GATD1: variants seen among roughly 807,000 people sequenced by gnomAD.
GATD1 encodes glutamine amidotransferase class 1 domain containing 1.
GATD1 carries 23 observed loss-of-function variants against 25.9 expected under a neutral mutation model. That is an observed-to-expected ratio of 0.89 (90% CI 0.64 to 1.26). GATD1 has a LOEUF of 1.26. Among genes scored for constraint, GATD1 ranks in the 50% most tolerant of loss-of-function variants. GATD1 has a pLI of 0.00. For synonymous variants in GATD1, 177 were observed against 134.6 expected, an observed-to-expected ratio of 1.31 and a Z score of -2.18; for missense variants, 347 against 312.5, an observed-to-expected ratio of 1.11 and a Z score of -0.83.
intron 4 of GATD1, 163 bp from the exon 5 acceptor site, chr11:772,684 C>G (rs1485078882): frequency 1.6e-6 from 1 of 637,964 alleles, no homozygotes; most frequent in Non-Finnish European, 2.8e-6. Context: ...TGTCCTGGCT[C>G]AGCCCGCACA....
At chr11:773,002 C>A (rs1181362337) in intron 4 of GATD1, among the ~76,000 whole-genome samples, 1 of 152,224 alleles carries the variant, frequency 6.6e-6, no homozygotes, top group Non-Finnish European at 1.5e-5. Flanking sequence ...GTTCCCACGG[C>A]TGAGGTGGCC....
Position 767,475 on chromosome 11 carries a change from G to C in GATD1, c.*3422C>G. 2 of 1,446,672 alleles carry C rather than the reference G, an allele frequency of 1.4e-6. No individual in the cohort carries two copies. The highest frequency in any genetic ancestry group is 1.8e-6 in the Non-Finnish European group (2 of 1,105,736). 89.6% of individuals were successfully genotyped at this position (1,446,672 alleles called of 1,614,324 possible). Reference sequence around the variant, plus strand: ...GGGGCCTGCAGGCAGCTCACGCGGAGACAGGTCTGTGGGGCCCCGCGTCAG... The same window carrying C: ...GGGGCCTGCAGGCAGCTCACGCGGACACAGGTCTGTGGGGCCCCGCGTCAG... On this transcript the variant is annotated 3_prime_UTR_variant, in exon 8 of 8. Transcript: ENST00000319863.
Position 773,604 on chromosome 11 carries a change from G to A in GATD1, c.273C>T (p.Ile91=). 6.2e-7 allele frequency: 1 copy of A among 1,609,022 alleles called. No individual in the cohort carries two copies. The highest frequency in any genetic ancestry group is 8.5e-7 in the Non-Finnish European group (1 of 1,178,682). Reference sequence around the variant, plus strand: ...CGGTCAGGGCCCCAGGACAGCTGGGGATCAGGAGGGCATGGTACCGGGCAC... The same window carrying A: ...CGGTCAGGGCCCCAGGACAGCTGGGAATCAGGAGGGCATGGTACCGGGCAC... The part of the protein sequence containing the change: ...IDGARYHALL[I]PSCPGALTDL... Residue 91 remains isoleucine (I), a synonymous_variant, in exon 4 of 8, where the codon ATC becomes ATT. Coordinates refer to ENST00000319863, the MANE Select transcript of GATD1 (RefSeq NM_182612.4).
Position 767,253 on chromosome 11 carries a change from TGGGTAGATGAACACACACTGGTATATG to T in GATD1, c.*3617_*3643del, listed in dbSNP as rs1284570702. On this transcript the variant is annotated 3_prime_UTR_variant, in exon 8 of 8. Transcript: ENST00000319863. ...TGCTGCTGCATGGTTTTATTCCTCA[TGGGTAGATGAACACACACTGGTATATG>T]GGGAAATCCTCACCCGCCCTCCGCT... 6.5e-7 allele frequency: 1 copy of T among 1,535,956 alleles called. No homozygotes were observed. Among genetic ancestry groups the T allele is most frequent in the Non-Finnish European group, 8.7e-7 (1 of 1,146,852 alleles).
In GATD1 at chr11:767,944, G is replaced by C. The variant is rs969655131; in HGVS notation, c.*2953C>G. ...CAGCTCACTGCAACCTCCGCCTCCT[G>C]GGTTCAAGCGATTCTCCTGCCTCAG... On this transcript the variant is annotated 3_prime_UTR_variant, in exon 8 of 8. Transcript: ENST00000319863. The C allele has an allele frequency of 1.3e-5, 2 of 151,686 alleles. No homozygotes were observed. Among genetic ancestry groups the C allele is most frequent in the African/African-American group, 2.4e-5 (1 of 41,168 alleles). 9.4% of individuals were successfully genotyped at this position (151,686 alleles called of 1,614,324 possible). A position where few individuals can be genotyped will look rare whatever the true frequency, so the allele number is the denominator to read the frequency against.
chr11:770,452 G>A lies in GATD1; in HGVS notation c.*445C>T. The A allele has an allele frequency of 6.8e-7, 1 of 1,477,234 alleles. No individual in the cohort carries two copies. The allele number at this position is 1,477,234 out of a possible 1,614,324, so 91.5% of individuals were successfully genotyped here. On this transcript the variant is annotated 3_prime_UTR_variant, in exon 8 of 8. Transcript: ENST00000319863. ...AGTTCTGAGCCAGCTCCCGCCGGCT[G>A]GGCCCTCCCCTCAAGGCCCCCACCA... is the stretch of plus-strand genomic sequence containing the variant.
intron 4 of GATD1, 42 bp downstream of exon 4, chr11:773,480 C>G (rs1863649517): frequency 6.6e-7 from 1 of 1,509,908 alleles, no homozygotes; most frequent in Non-Finnish European, 9.1e-7. Flanking sequence ...TCTTGTGACA[C>G]TGCACATCCA....
Position 773,702 on chromosome 11 carries a change from C to T in GATD1, c.248-73G>A, listed in dbSNP as rs776905517. On this transcript the variant is annotated intron_variant, in intron 3 of 7. Coordinates refer to ENST00000319863, the MANE Select transcript of GATD1 (RefSeq NM_182612.4). ...CTACCTGCAGGACCAGGCCCGAGTG[C>T]GTGGCCAGGACAGACCCTCCACAGG... 8.7e-5 allele frequency: 102 copies of T among 1,173,650 alleles called. 1 individual carries two copies. The Middle Eastern group carries it at 1.3e-3, about 14-fold the overall frequency. 72.7% of individuals were successfully genotyped at this position (1,173,650 alleles called of 1,614,324 possible).
rs201761733 is a variant in GATD1, at chr11:769,877, A to C, written c.*1020T>G. Reference sequence around the variant, plus strand: ...GTGATCCGCCCGCCTCGGCCTCCCAAAGTGCTGGGGTTACAGGTGTGAGCC... The same window carrying C: ...GTGATCCGCCCGCCTCGGCCTCCCACAGTGCTGGGGTTACAGGTGTGAGCC... On this transcript the variant is annotated 3_prime_UTR_variant, in exon 8 of 8. Coordinates refer to ENST00000319863, the MANE Select transcript of GATD1 (RefSeq NM_182612.4). 4.0e-5 allele frequency: 39 copies of C among 973,584 alleles called. No homozygotes were observed. The East Asian group carries it at 4.1e-3, about 102-fold the overall frequency. 60.3% of individuals were successfully genotyped at this position (973,584 alleles called of 1,614,324 possible). A position where few individuals can be genotyped will look rare whatever the true frequency, so the allele number is the denominator to read the frequency against.
intron 1 of GATD1, 85 bp downstream of exon 1, chr11:777,314 G>C: frequency 9.3e-7 from 1 of 1,072,376 alleles, no homozygotes; most frequent in Non-Finnish European, 1.2e-6. Flanking sequence ...CACGTGACGC[G>C]CGCCCACCGT....
chr11:772,126 G>C (rs1374064650), intron 5 of GATD1, among the ~76,000 whole-genome samples: 2 of 152,062 alleles, frequency 1.3e-5, no homozygotes, highest in Non-Finnish European at 2.9e-5. Context: ...CCCTCCCCAC[G>C]TCCCCTGGTG....
intron 4 of GATD1, among the ~76,000 whole-genome samples, chr11:773,135 A>T (rs1382494251): frequency 6.6e-6 from 1 of 152,186 alleles, no homozygotes; most frequent in Non-Finnish European, 1.5e-5. Flanking sequence ...TCACAGCCCA[A>T]CCCGGAGCCG....
In GATD1 at chr11:769,303, CT is replaced by C. The variant is rs1406989774; in HGVS notation, c.*1593del. 1 of 984,800 alleles carries C rather than the reference CT, an allele frequency of 1.0e-6. No homozygotes were observed. The highest frequency in any genetic ancestry group is 1.2e-6 in the Non-Finnish European group (1 of 829,628). 61.0% of individuals were successfully genotyped at this position (984,800 alleles called of 1,614,324 possible). A position where few individuals can be genotyped will look rare whatever the true frequency, so the allele number is the denominator to read the frequency against. ...TTCTTCCACTTTTTTCCAAATTCTC[CT>C]TATTGAACGGCTTTATTTTATTATT... On this transcript the variant is annotated 3_prime_UTR_variant, in exon 8 of 8. Transcript: ENST00000319863.
rs568533957 is a variant in GATD1, at chr11:771,279, G to A, written c.544+54C>T. On this transcript the variant is annotated intron_variant, in intron 6 of 7. Coordinates refer to ENST00000319863, the MANE Select transcript of GATD1 (RefSeq NM_182612.4). ...GAGGCTTCTCCCCCAGGCTGCAGCAGGGAAGCCCCCCACCCCATCTTCTGT... is the reference window on the plus strand; with the variant it reads ...GAGGCTTCTCCCCCAGGCTGCAGCAAGGAAGCCCCCCACCCCATCTTCTGT... 69 of 1,585,704 alleles carry A rather than the reference G, an allele frequency of 4.4e-5. No homozygotes were observed. The African/African-American group carries it at 8.3e-4, about 19-fold the overall frequency.
Position 775,053 on chromosome 11 carries a change from A to G in GATD1, c.141+13T>C, listed in dbSNP as rs200152756. On this transcript the variant is annotated intron_variant, in intron 2 of 7. Transcript: ENST00000319863. ...CCCCAAGTGTCCAGTGGGGAAGGAG[A>G]GGCTGGACTTACCCCAGGGGTGGCC... 2.9e-5 allele frequency: 47 copies of G among 1,595,560 alleles called. No homozygotes were observed. The highest frequency in any genetic ancestry group is 3.8e-5 in the Non-Finnish European group (45 of 1,172,068).
At position 770,868 on chromosome 11, in the gene GATD1, G is replaced by A. The variant is rs1481022185; in HGVS notation, c.*29C>T. 6.3e-7 allele frequency: 1 copy of A among 1,592,156 alleles called. No individual in the cohort carries two copies. Among genetic ancestry groups the A allele is most frequent in the Non-Finnish European group, 8.6e-7 (1 of 1,167,514 alleles). Reference sequence around the variant, plus strand: ...GGCTGCCTCTGGAGACACCTGGGCTGTCTCAGGGGGTGCATCTACCCAGCA... The same window carrying A: ...GGCTGCCTCTGGAGACACCTGGGCTATCTCAGGGGGTGCATCTACCCAGCA... On this transcript the variant is annotated 3_prime_UTR_variant, in exon 8 of 8. Transcript: ENST00000319863.
In GATD1 at chr11:769,923, A is replaced by C. The variant is rs1403520391; in HGVS notation, c.*974T>G. ...GAGCCACTGCGCCCGGCCCAACTGA[A>C]CGGTTTTATAATCACAAGGGGCCTC... On this transcript the variant is annotated 3_prime_UTR_variant, in exon 8 of 8. Transcript: ENST00000319863. 2 of 993,326 alleles carry C rather than the reference A, an allele frequency of 2.0e-6. No homozygotes were observed. The highest frequency in any genetic ancestry group is 2.4e-6 in the Non-Finnish European group (2 of 835,482). 61.5% of individuals were successfully genotyped at this position (993,326 alleles called of 1,614,324 possible).
At chr11:772,026 G>C (rs1863495094) in intron 5 of GATD1, among the ~76,000 whole-genome samples, 1 of 152,190 alleles carries the variant, frequency 6.6e-6, no homozygotes, top group Non-Finnish European at 1.5e-5. Context: ...CACAGCCTTT[G>C]GGCCTCAGAT....
chr11:767,573 C>A lies in GATD1; in HGVS notation c.*3324G>T. 1 of 1,410,942 alleles carries A rather than the reference C, an allele frequency of 7.1e-7. No individual in the cohort carries two copies. Among genetic ancestry groups the A allele is most frequent in the East Asian group, 2.6e-5 (1 of 38,700 alleles). 87.4% of individuals were successfully genotyped at this position (1,410,942 alleles called of 1,614,324 possible). On this transcript the variant is annotated 3_prime_UTR_variant, in exon 8 of 8. Coordinates refer to ENST00000319863, the MANE Select transcript of GATD1 (RefSeq NM_182612.4). ...GGGCTCAATGTCAGATCTGGCTGACCAGAGGGGCTCAATGAGGCTCACTGG... is the reference window on the plus strand; with the variant it reads ...GGGCTCAATGTCAGATCTGGCTGACAAGAGGGGCTCAATGAGGCTCACTGG...
Sources: allele counts gnomAD v4.1 joint callset (sites outside exome capture counted in the v4.1 genomes callset), GRCh38; gene constraint gnomAD v4.1.1; transcripts MANE v1.5; gene names NCBI Gene and HGNC (gene_info 2026-07-23, HGNC 2026-07-21).